The following TPO variants were observed in gnomAD, a reference collection of about 807,000 sequenced individuals.
TPO encodes the protein thyroid peroxidase.
In TPO, 78 loss-of-function variants were observed where a neutral mutation model predicts 96.9. The ratio of observed to expected loss-of-function variants is 0.81; its 90% CI spans 0.67 to 0.97. The LOEUF (loss-of-function observed/expected upper bound fraction) is 0.97. Ranked by LOEUF, TPO falls within the 50% of genes least tolerant of loss-of-function variation. TPO has a pLI of 0.00. For missense variants in TPO, 1,252 were observed against 1,274.8 expected (o/e 0.98, Z 0.27); for synonymous variants, 547 against 538.0 (o/e 1.02, Z -0.23).
intron 15 of TPO, among the ~76,000 whole-genome samples, 183 bp from the exon 16 acceptor site, chr2:1,540,411 C>T (rs1181061721): frequency 5.8e-5 from 7 of 120,960 alleles, no homozygotes; most frequent in Non-Finnish European, 9.2e-5. Context: ...GAGAGCAGTG[C>T]TAATTTTTTC....
At position 1,413,543 on chromosome 2, in the gene TPO, A is replaced by G. The variant is rs962847416; in HGVS notation, c.-4A>G. On this transcript the variant is annotated splice_region_variant and 5_prime_UTR_variant, in exon 1 of 17. Transcript: ENST00000329066. Reference sequence around the variant, plus strand: ...GTGCAGTTGGCTGAGAAGAGGAAAAAAGGTCAGGTTGTAAAGCTTTTTATT... The same window carrying G: ...GTGCAGTTGGCTGAGAAGAGGAAAAGAGGTCAGGTTGTAAAGCTTTTTATT... The G allele has an allele frequency of 9.4e-5, 44 of 469,546 alleles. No homozygotes were observed. Among genetic ancestry groups the G allele is most frequent in the African/African-American group, 9.1e-4 (43 of 47,154 alleles). The allele number at this position is 469,546 out of a possible 1,614,324, so 29.1% of individuals were successfully genotyped here.
At chr2:1,536,929 C>T (rs1435009408) in intron 15 of TPO, among the ~76,000 whole-genome samples, 1 of 117,306 alleles carries the variant, frequency 8.5e-6, no homozygotes, top group African/African-American at 3.3e-5. Flanking sequence ...TCCCAAATCC[C>T]CCCCAATGTG....
intron 7 of TPO, among the ~76,000 whole-genome samples, chr2:1,460,677 C>T (rs557091261): frequency 5.3e-5 from 8 of 152,238 alleles, no homozygotes; most frequent in Admixed American, 2.6e-4. Context: ...ATTCAATGAA[C>T]GTGTATTGTT....
At chr2:1,512,610 T>G in intron 14 of TPO, 1 of 470,664 alleles carries the variant, frequency 2.1e-6, no homozygotes, top group Non-Finnish European at 2.8e-6. Flanking sequence ...CGCTGAGCCC[T>G]GCAGCCCCTC....
chr2:1,450,004 G>C (rs1667173706), intron 5 of TPO, among the ~76,000 whole-genome samples: 1 of 152,150 alleles, frequency 6.6e-6, no homozygotes, highest in Admixed American at 6.5e-5. Flanking sequence ...CAGGGTGTCA[G>C]GCGTTTTTGG....
intron 15 of TPO, among the ~76,000 whole-genome samples, chr2:1,535,416 T>TACTGTGTGCAACCTCCCCAAATCCCTCC (rs1558435820): frequency 1.2e-4 from 1 of 8,694 alleles, no homozygotes; most frequent in Non-Finnish European, 2.1e-4. Flanking sequence ...CAAATCCCCC[T>TACTGTGTGCAACCTCCCCAAATCCCTCC]ACTGTGTGCA....
intron 13 of TPO, among the ~76,000 whole-genome samples, chr2:1,497,286 C>T (rs1375754799): frequency 6.6e-6 from 1 of 152,198 alleles, no homozygotes; most frequent in East Asian, 1.9e-4. Flanking sequence ...AGGCACCTTT[C>T]AGGCCGCAAG....
At chr2:1,443,775 CCTT>C (rs1666462181) in intron 5 of TPO, among the ~76,000 whole-genome samples, 1 of 29,378 alleles carries the variant, frequency 3.4e-5, no homozygotes, top group Non-Finnish European at 9.1e-5. Context: ...GGGGCAGGCT[CCTT>C]CTTGTTTGTA....
intron 7 of TPO, among the ~76,000 whole-genome samples, chr2:1,458,874 G>T (rs1668138130): frequency 6.6e-6 from 1 of 152,134 alleles, no homozygotes; most frequent in Admixed American, 6.5e-5. Flanking sequence ...AGCATGAGTT[G>T]CCTTCTGCTT....
intron 10 of TPO, among the ~76,000 whole-genome samples, chr2:1,492,909 G>T (rs1468075086): frequency 6.6e-6 from 1 of 152,126 alleles, no homozygotes; most frequent in African/African-American, 2.4e-5. Context: ...CTTGAGGAGG[G>T]AGCACTTCTG....
chr2:1,486,849 A>T (rs959213931), intron 9 of TPO, among the ~76,000 whole-genome samples: 1 of 152,168 alleles, frequency 6.6e-6, no homozygotes, highest in Admixed American at 6.5e-5. Context: ...ATACCTGCTT[A>T]GATGAGAGCT....
In TPO at chr2:1,527,521, GCAACTTCCCTAA is replaced by G. The variant is rs367703706; in HGVS notation, c.2618+10540_2618+10551del. On this transcript the variant is annotated intron_variant, in intron 15 of 16. Transcript: ENST00000329066. ...ACCTCCCCAAATCCTCCCAGTGTGT[GCAACTTCCCTAA>G]ATCCCTCCAACTGTGTTCAGCTTCC... Among the ~76,000 whole-genome samples the G allele has an allele frequency of 2.5e-3, 360 of 144,376 alleles. 5 individuals carry two copies. Among genetic ancestry groups the G allele is most frequent in the South Asian group, 9.5e-3 (42 of 4,414 alleles). The allele number at this position is 144,376 out of a possible 152,430, so 94.7% of individuals were successfully genotyped here. A position where few individuals can be genotyped will look rare whatever the true frequency, so the allele number is the denominator to read the frequency against.
rs576678019 is a variant in TPO, at chr2:1,388,904, C to T, written n.180+14502C>T. 5.1e-4 allele frequency among the ~76,000 whole-genome samples: 78 copies of T among 152,268 alleles called. 1 individual carries two copies. The highest frequency in any genetic ancestry group is 1.1e-3 in the African/African-American group (46 of 41,566). ...GTATTTCCACCTGTACCTTCCTAGA[C>T]GGGTCAGAATTCTCTAAAGAAAATT... On this transcript the variant is annotated intron_variant and non_coding_transcript_variant, in intron 1 of 5. Transcript: ENST00000497517.
At chr2:1,481,408 C>A (rs982754370) in intron 8 of TPO, among the ~76,000 whole-genome samples, 1 of 152,102 alleles carries the variant, frequency 6.6e-6, no homozygotes, top group Non-Finnish European at 1.5e-5. Context: ...AAATATCTGG[C>A]GTGGATGTTT....
At chr2:1,396,870 G>A (rs749316391) in intron 1 of TPO, among the ~76,000 whole-genome samples, 1 of 152,226 alleles carries the variant, frequency 6.6e-6, no homozygotes. Flanking sequence ...AGCCGCAGAA[G>A]TTTAATAGAT....
intron 10 of TPO, among the ~76,000 whole-genome samples, chr2:1,491,797 T>G (rs1309098523): frequency 6.6e-6 from 1 of 152,166 alleles, no homozygotes; most frequent in Non-Finnish European, 1.5e-5. Flanking sequence ...GGTGCTGAGA[T>G]GGAGAGACAC....
At chr2:1,391,445 G>A (rs556522691) in intron 1 of TPO, among the ~76,000 whole-genome samples, 16 of 152,284 alleles carry the variant, frequency 1.1e-4, no homozygotes, top group South Asian at 2.1e-4. Flanking sequence ...AAGTCAGGTA[G>A]CGTGATGCCT....
At chr2:1,523,891 T>C (rs62107998) in intron 15 of TPO, among the ~76,000 whole-genome samples, 51,703 of 83,024 alleles carry the variant, frequency 0.62, 15,754 homozygotes, top group African/African-American at 0.75. Context: ...TACAACTTGC[T>C]TAAATCCCCC....
intron 9 of TPO, among the ~76,000 whole-genome samples, chr2:1,487,100 G>A (rs1037427101): frequency 6.6e-6 from 1 of 152,188 alleles, no homozygotes; most frequent in Non-Finnish European, 1.5e-5. Flanking sequence ...TTCCATGCGG[G>A]GCCTTTGGAG....
Sources: allele counts gnomAD v4.1 joint callset (sites outside exome capture counted in the v4.1 genomes callset), GRCh38; gene constraint gnomAD v4.1.1; transcripts MANE v1.5; gene names NCBI Gene and HGNC (gene_info 2026-07-23, HGNC 2026-07-21).